Variants in PTPRD observed in about 807,000 individuals in gnomAD.
PTPRD encodes protein tyrosine phosphatase receptor type D.
PTPRD carries 34 observed loss-of-function variants against 214.5 expected under a neutral mutation model. The observed-to-expected ratio is 0.16, with a 90% CI of 0.12 to 0.21. The LOEUF is 0.21. Ranked by LOEUF, PTPRD falls within the 10% of genes least tolerant of loss-of-function variation. The probability of loss-of-function intolerance (pLI) is 1.00; values close to 1 mark genes in which losing one functional copy is unlikely to be tolerated. For missense variants in PTPRD, 2,545 were observed against 2,398.7 expected, an observed-to-expected ratio of 1.06 and a Z score of -1.27; for synonymous variants, 1,128 against 845.7, an observed-to-expected ratio of 1.33 and a Z score of -5.79.
Position 9,647,856 on chromosome 9 carries a change from A to G in PTPRD, c.-286-73075T>C, listed in dbSNP as rs113257372. ...AATTTAAAATAGAAGTTCAAATTAAAAGTTCTCAAAACCCTAAGATCAAAA... is the reference window on the plus strand; with the variant it reads ...AATTTAAAATAGAAGTTCAAATTAAGAGTTCTCAAAACCCTAAGATCAAAA... On this transcript the variant is annotated intron_variant, in intron 7 of 45. Coordinates refer to ENST00000381196, the MANE Select transcript of PTPRD (RefSeq NM_002839.4). 9.1e-3 allele frequency among the ~76,000 whole-genome samples: 1,385 copies of G among 152,302 alleles called. 23 individuals are homozygous for G. Among genetic ancestry groups the G allele is most frequent in the African/African-American group, 0.032 (1,338 of 41,548 alleles).
chr9:10,537,767 GT>G (rs749980922), intron 2 of PTPRD, among the ~76,000 whole-genome samples: 33 of 151,958 alleles, frequency 2.2e-4, no homozygotes, highest in Non-Finnish European at 4.0e-4. Flanking sequence ...TCTCATAAAA[GT>G]TTCCTAATAA....
Position 10,267,404 on chromosome 9 carries a change from AT to A in PTPRD, c.-545+73558del, listed in dbSNP as rs528689570. 3.6e-3 allele frequency among the ~76,000 whole-genome samples: 549 copies of A among 151,962 alleles called. 1 individual carries two copies. The highest frequency in any genetic ancestry group is 5.0e-3 in the Non-Finnish European group (343 of 67,996). ...AACTATGGTTTAAGCAATGAAAAAA[AT>A]GTACGTTAATGTATTATTAGAGTCG... On this transcript the variant is annotated intron_variant, in intron 3 of 45. Coordinates refer to ENST00000381196, the MANE Select transcript of PTPRD (RefSeq NM_002839.4).
At chr9:9,246,471 A>G (rs1406606141) in intron 9 of PTPRD, among the ~76,000 whole-genome samples, 1 of 152,054 alleles carries the variant, frequency 6.6e-6, no homozygotes, top group East Asian at 1.9e-4. Flanking sequence ...AACTAGAAAA[A>G]TCTGTCAGTT....
At chr9:10,349,417 C>T (rs2097145064) in intron 2 of PTPRD, among the ~76,000 whole-genome samples, 1 of 152,128 alleles carries the variant, frequency 6.6e-6, no homozygotes, top group Admixed American at 6.6e-5. Flanking sequence ...TAAATTATTC[C>T]AGTTAACATT....
chr9:10,308,253 T>C (rs1002801914), intron 3 of PTPRD, among the ~76,000 whole-genome samples: 3 of 152,084 alleles, frequency 2.0e-5, no homozygotes, highest in African/African-American at 4.8e-5. Flanking sequence ...TAGTGAGAGA[T>C]AGCATCTGGC....
intron 37 of PTPRD, among the ~76,000 whole-genome samples, chr9:8,388,982 CTT>C (rs34248103): frequency 0.09 from 11,781 of 130,290 alleles, 693 homozygotes; most frequent in African/African-American, 0.22. Context: ...GTGAATATTC[CTT>C]TTTTTTTTTT....
At chr9:8,899,063 A>G (rs534256097) in intron 11 of PTPRD, among the ~76,000 whole-genome samples, 3 of 152,134 alleles carry the variant, frequency 2.0e-5, no homozygotes, top group Non-Finnish European at 2.9e-5. Context: ...TCCCTTCATA[A>G]ATTTCTGTAT....
At chr9:9,326,040 A>G (rs1471766240) in intron 9 of PTPRD, among the ~76,000 whole-genome samples, 1 of 152,026 alleles carries the variant, frequency 6.6e-6, no homozygotes, top group African/African-American at 2.4e-5. Flanking sequence ...CCAGGGATGA[A>G]GCCAACTCGA....
intron 5 of PTPRD, among the ~76,000 whole-genome samples, chr9:9,867,718 T>C (rs986886315): frequency 5.9e-5 from 9 of 152,138 alleles, no homozygotes; most frequent in African/African-American, 1.7e-4. Context: ...CTCAAACCTA[T>C]TGTTTTCTCT....
Position 9,737,306 on chromosome 9 carries a change from G to C in PTPRD, c.-325-2735C>G, listed in dbSNP as rs185090274. 2.8e-3 allele frequency among the ~76,000 whole-genome samples: 426 copies of C among 152,188 alleles called. 1 individual carries two copies. Among genetic ancestry groups the C allele is most frequent in the African/African-American group, 9.6e-3 (398 of 41,556 alleles). On this transcript the variant is annotated intron_variant, in intron 6 of 45. Transcript: ENST00000381196. ...ATAATATGCTTTGATAGCTGGTAGA[G>C]ATTTTTCTACCCTTTCTTTCAATAT...
intron 3 of PTPRD, among the ~76,000 whole-genome samples, chr9:10,267,273 T>C (rs111699311): frequency 2.6e-5 from 4 of 151,340 alleles, no homozygotes; most frequent in African/African-American, 9.7e-5. Flanking sequence ...TGGAAGTAGG[T>C]TGAATGATGT....
chr9:10,083,386 G>T (rs985369371), intron 3 of PTPRD, among the ~76,000 whole-genome samples: 1 of 152,024 alleles, frequency 6.6e-6, no homozygotes, highest in African/African-American at 2.4e-5. Flanking sequence ...TTTTCAAAAT[G>T]TGGCTGTATG....
At chr9:9,195,022 A>G (rs1288195160) in intron 9 of PTPRD, among the ~76,000 whole-genome samples, 6 of 149,034 alleles carry the variant, frequency 4.0e-5, no homozygotes, top group Non-Finnish European at 8.9e-5. Context: ...TATGGTATAT[A>G]TGTGTGTGTG....
chr9:8,373,082 A>C lies in PTPRD; in HGVS notation c.4661+2854T>G, dbSNP rs532087646. ...ATGATCATGATTAACCGTGATCAGTATCCCTTTGTAACATGGCTATTGTGG... is the reference window on the plus strand; with the variant it reads ...ATGATCATGATTAACCGTGATCAGTCTCCCTTTGTAACATGGCTATTGTGG... On this transcript the variant is annotated intron_variant, in intron 39 of 45. Transcript: ENST00000381196. 1.4e-4 allele frequency among the ~76,000 whole-genome samples: 22 copies of C among 152,168 alleles called. No homozygotes were observed. The East Asian group carries it at 4.3e-3, about 29-fold the overall frequency.
intron 7 of PTPRD, among the ~76,000 whole-genome samples, chr9:9,656,792 G>T (rs574511225): frequency 1.3e-5 from 2 of 152,108 alleles, no homozygotes; most frequent in Admixed American, 6.5e-5. Flanking sequence ...GTTGACATAG[G>T]TTCATCAATT....
At chr9:8,786,684 G>A (rs2095992343) in intron 11 of PTPRD, among the ~76,000 whole-genome samples, 1 of 151,470 alleles carries the variant, frequency 6.6e-6, no homozygotes, top group African/African-American at 2.4e-5. Context: ...TAAAGTGCTG[G>A]GATTACAGGC....
At chr9:9,949,511 C>T (rs2093208051) in intron 4 of PTPRD, among the ~76,000 whole-genome samples, 1 of 152,054 alleles carries the variant, frequency 6.6e-6, no homozygotes, top group African/African-American at 2.4e-5. Context: ...TTTGCAACAG[C>T]CCTCGTAGGG....
At chr9:9,888,091 A>G (rs113143095) in intron 5 of PTPRD, among the ~76,000 whole-genome samples, 2 of 152,308 alleles carry the variant, frequency 1.3e-5, no homozygotes, top group African/African-American at 2.4e-5. Flanking sequence ...CCTACCCAGC[A>G]GCCATTCCTC....
chr9:9,467,610 A>AAAAAAAAAAAAAAAAT (rs71319223), intron 8 of PTPRD, among the ~76,000 whole-genome samples: 3 of 145,462 alleles, frequency 2.1e-5, no homozygotes, highest in Non-Finnish European at 3.0e-5. Context: ...AAAAAAAAAA[A>AAAAAAAAAAAAAAAAT]GTTGAGCAGA....
Sources: gnomAD v4.1 joint callset for allele counts (sites outside exome capture counted in the v4.1 genomes callset) on GRCh38, gnomAD v4.1.1 for gene constraint, MANE v1.5 for transcripts, NCBI Gene and HGNC (gene_info 2026-07-23, HGNC 2026-07-21) for gene names.